Variants in SLC9B2 observed in about 807,000 individuals in gnomAD.
The protein encoded by SLC9B2 is sodium/hydrogen exchanger 9B2.
SLC9B2 carries 39 observed loss-of-function variants against 52.2 expected under a neutral mutation model. The ratio of observed to expected loss-of-function variants is 0.75; its 90% CI spans 0.58 to 0.98. The LOEUF (loss-of-function observed/expected upper bound fraction) is 0.98. Ranked by LOEUF, SLC9B2 falls within the 50% of genes least tolerant of loss-of-function variation. The probability of loss-of-function intolerance (pLI) is 0.00; values close to 1 mark genes in which losing one functional copy is unlikely to be tolerated. For missense variants in SLC9B2, 626 were observed against 637.5 expected, an observed-to-expected ratio of 0.98 and a Z score of 0.19; for synonymous variants, 214 against 227.0, an observed-to-expected ratio of 0.94 and a Z score of 0.51.
intron 3 of SLC9B2, among the ~76,000 whole-genome samples, chr4:103,060,438 T>C (rs1411099332): frequency 6.6e-6 from 1 of 151,954 alleles, no homozygotes; most frequent in Admixed American, 6.5e-5. Flanking sequence ...TGTTTTCTAA[T>C]TCTTAACTTC....
chr4:103,023,335 G>A lies in SLC9B2; in HGVS notation c.*3035C>T, dbSNP rs922614118. ...TAAAGTGAAAAAAAGTGTTACATGT[G>A]CTCTGACATAAGTATGTATAAGGGA... On this transcript the variant is annotated 3_prime_UTR_variant, in exon 12 of 12. Coordinates refer to ENST00000394785, the MANE Select transcript of SLC9B2 (RefSeq NM_178833.7). 6.6e-6 allele frequency among the ~76,000 whole-genome samples: 1 copy of A among 152,202 alleles called. No individual in the cohort carries two copies. The highest frequency in any genetic ancestry group is 1.5e-5 in the Non-Finnish European group (1 of 68,038).
At chr4:103,019,550 C>G (rs1385318852), downstream of SLC9B2, 1 of 983,622 alleles carries the variant, frequency 1.0e-6, no homozygotes, top group African/African-American at 1.7e-5. Flanking sequence ...AGACCCGGGA[C>G]TAGCGCCAAA....
chr4:103,026,965 A>AATCCTGGCCTCAAGTGATC (rs1742283112), intron 11 of SLC9B2, among the ~76,000 whole-genome samples: 1 of 151,852 alleles, frequency 6.6e-6, no homozygotes, highest in African/African-American at 2.4e-5. Context: ...CTGGTCTTGA[A>AATCCTGGCCTCAAGTGATC]CTCCTGGCCT....
chr4:103,054,407 T>G (rs2110630351), intron 4 of SLC9B2, among the ~76,000 whole-genome samples: 3 of 152,356 alleles, frequency 2.0e-5, no homozygotes, highest in Middle Eastern at 6.8e-3. Flanking sequence ...GAAGACCTAC[T>G]TAATTAGAAT....
At chr4:103,039,080 A>G (rs1310173453) in intron 9 of SLC9B2, among the ~76,000 whole-genome samples, 1 of 152,142 alleles carries the variant, frequency 6.6e-6, no homozygotes, top group Non-Finnish European at 1.5e-5. Context: ...AATTTTTTAG[A>G]TGATTATTGT....
chr4:103,056,516 G>A (rs965620758), intron 4 of SLC9B2, among the ~76,000 whole-genome samples: 18 of 152,206 alleles, frequency 1.2e-4, no homozygotes, highest in African/African-American at 3.4e-4. Flanking sequence ...CCAAAGTGCT[G>A]GGATTACAGG....
chr4:103,023,835 A>G lies in SLC9B2; in HGVS notation c.*2535T>C, dbSNP rs1413347373. 6.6e-6 allele frequency among the ~76,000 whole-genome samples: 1 copy of G among 152,188 alleles called. No individual in the cohort carries two copies. Among genetic ancestry groups the G allele is most frequent in the Non-Finnish European group, 1.5e-5 (1 of 68,030 alleles). ...TCTAATTTTCCTAGGGGCCCTAAAC[A>G]TATTCAATAGCATTCTGATTTAGTT... On this transcript the variant is annotated 3_prime_UTR_variant, in exon 12 of 12. Coordinates refer to ENST00000394785, the MANE Select transcript of SLC9B2 (RefSeq NM_178833.7).
intron 6 of SLC9B2, 105 bp from the exon 7 acceptor site, chr4:103,047,331 T>A: frequency 1.1e-6 from 1 of 936,156 alleles, no homozygotes; most frequent in Non-Finnish European, 1.5e-6. Flanking sequence ...ACAACAACAG[T>A]CTTTCTTTTT....
chr4:103,037,216 A>T (rs2110589395), intron 9 of SLC9B2, among the ~76,000 whole-genome samples: 1 of 152,274 alleles, frequency 6.6e-6, no homozygotes, highest in African/African-American at 2.4e-5. Context: ...TCTGAAATGT[A>T]TGTGTAGATT....
Position 103,055,306 on chromosome 4 carries a change from T to G in SLC9B2, c.442+2495A>C, listed in dbSNP as rs572833313. Reference sequence around the variant, plus strand: ...CTAATGTAAATGATGAGTTAATGGGTGCAGCACACCAACAAGGCACATGTA... The same window carrying G: ...CTAATGTAAATGATGAGTTAATGGGGGCAGCACACCAACAAGGCACATGTA... On this transcript the variant is annotated intron_variant, in intron 4 of 11. Transcript: ENST00000394785. 3.3e-5 allele frequency among the ~76,000 whole-genome samples: 5 copies of G among 151,702 alleles called. No homozygotes were observed. In the East Asian group the frequency reaches 9.7e-4, roughly 29 times the overall value.
rs752581306 is a variant in SLC9B2, at chr4:103,031,820, A to G, written c.1147-12T>C. On this transcript the variant is annotated splice_polypyrimidine_tract_variant and intron_variant, in intron 9 of 11. Coordinates refer to ENST00000394785, the MANE Select transcript of SLC9B2 (RefSeq NM_178833.7). ...TTTTCAACCTCTGCCTAAAATAACA[A>G]TAAAACACACACAGATTTTTATTAT... 7 of 1,604,128 alleles carry G rather than the reference A, an allele frequency of 4.4e-6. No homozygotes were observed. The African/African-American group carries it at 9.4e-5, about 21-fold the overall frequency.
chr4:103,025,042 C>G lies in SLC9B2; in HGVS notation c.*1328G>C, dbSNP rs1216365536. Among the ~76,000 whole-genome samples the G allele has an allele frequency of 6.6e-6, 1 of 152,128 alleles. No individual in the cohort carries two copies. The highest frequency in any genetic ancestry group is 1.5e-5 in the Non-Finnish European group (1 of 68,012). On this transcript the variant is annotated 3_prime_UTR_variant, in exon 12 of 12. Transcript: ENST00000394785. ...ATCCAACACAGTGGAAGCTCTGGCC[C>G]CGAAAATCTGATGTTCCGTTCCTCC...
rs138157718 is a variant in SLC9B2, at chr4:103,058,705, A to G, written c.272-734T>C. 4.6e-4 allele frequency among the ~76,000 whole-genome samples: 70 copies of G among 152,094 alleles called. No homozygotes were observed. The East Asian group carries it at 0.011, about 24-fold the overall frequency. ...GTGTGAACCTCCTCATCCAGCCTCAAATTTTTCATCTGGGACAATTATCCT... is the reference window on the plus strand; with the variant it reads ...GTGTGAACCTCCTCATCCAGCCTCAGATTTTTCATCTGGGACAATTATCCT... On this transcript the variant is annotated intron_variant, in intron 3 of 11. Coordinates refer to ENST00000394785, the MANE Select transcript of SLC9B2 (RefSeq NM_178833.7).
chr4:103,062,812 A>G (rs1745784706), intron 3 of SLC9B2, among the ~76,000 whole-genome samples: 2 of 152,112 alleles, frequency 1.3e-5, no homozygotes, highest in African/African-American at 4.8e-5. Flanking sequence ...AGGTTTCACT[A>G]TGTTAGCCAG....
chr4:103,051,995 C>T (rs1341550268), intron 4 of SLC9B2, among the ~76,000 whole-genome samples: 1 of 152,218 alleles, frequency 6.6e-6, no homozygotes, highest in Non-Finnish European at 1.5e-5. Context: ...TCATTATAAA[C>T]AGTGCTGAAA....
chr4:103,034,367 A>G (rs1220913010), intron 9 of SLC9B2, among the ~76,000 whole-genome samples: 1 of 152,156 alleles, frequency 6.6e-6, no homozygotes, highest in Non-Finnish European at 1.5e-5. Flanking sequence ...AAGATCTAGG[A>G]AATACCAATC....
chr4:103,020,864 G>A (rs1335958380), downstream of SLC9B2, among the ~76,000 whole-genome samples: 3 of 152,106 alleles, frequency 2.0e-5, no homozygotes, highest in East Asian at 5.8e-4. Flanking sequence ...CTGGACTTAA[G>A]TGATCTGCCC....
chr4:103,049,049 T>G, intron 5 of SLC9B2, 29 bp from the exon 6 acceptor site: 1 of 1,609,388 alleles, frequency 6.2e-7, no homozygotes, highest in Non-Finnish European at 8.5e-7. Context: ...CATCCTAATA[T>G]AATCCTCTGA....
At chr4:103,049,451 C>T (rs966141860) in intron 5 of SLC9B2, among the ~76,000 whole-genome samples, 1 of 152,004 alleles carries the variant, frequency 6.6e-6, no homozygotes, top group African/African-American at 2.4e-5. Context: ...CCTGATCCCC[C>T]AAGAAAATTC....
Sources: gnomAD v4.1 joint callset for allele counts (sites outside exome capture counted in the v4.1 genomes callset) on GRCh38, gnomAD v4.1.1 for gene constraint, MANE v1.5 for transcripts, NCBI Gene and HGNC (gene_info 2026-07-23, HGNC 2026-07-21) for gene names.